PDZRN3: variants seen among roughly 807,000 people sequenced by gnomAD.
PDZRN3 encodes the protein E3 ubiquitin-protein ligase PDZRN3.
PDZRN3 carries 38 observed loss-of-function variants against 85.7 expected under a neutral mutation model. That is an observed-to-expected ratio of 0.44 (90% confidence interval 0.34 to 0.58). The LOEUF (loss-of-function observed/expected upper bound fraction) is 0.58. PDZRN3 is among the 20% of genes least tolerant of loss of function. The pLI, the probability that PDZRN3 is intolerant of heterozygous loss-of-function variation, is 0.01. For synonymous variants in PDZRN3, 759 were observed against 638.0 expected (o/e 1.19, Z -2.86); for missense variants, 1,629 against 1,506.4 (o/e 1.08, Z -1.35).
At chr3:73,613,454 G>A (rs543896696) in intron 1 of PDZRN3, among the ~76,000 whole-genome samples, 2 of 152,220 alleles carry the variant, frequency 1.3e-5, no homozygotes, top group East Asian at 1.9e-4. Flanking sequence ...ACTTAGGAAC[G>A]GTGGAGACAG....
At chr3:73,616,186 G>C (rs1702759023) in intron 1 of PDZRN3, among the ~76,000 whole-genome samples, 1 of 152,212 alleles carries the variant, frequency 6.6e-6, no homozygotes, top group African/African-American at 2.4e-5. Context: ...AGCAGCCTGA[G>C]GCCCTCATCA....
chr3:73,579,087 G>C (rs1702162914), intron 3 of PDZRN3, among the ~76,000 whole-genome samples: 1 of 152,120 alleles, frequency 6.6e-6, no homozygotes, highest in South Asian at 2.1e-4. Flanking sequence ...ATAGTACTAA[G>C]AGGTGGGGTC....
chr3:73,393,361 A>G lies in PDZRN3; in HGVS notation c.1255-2245T>C, dbSNP rs187609839. On this transcript the variant is annotated intron_variant, in intron 5 of 9. Transcript: ENST00000263666. ...ACTTTCTACTACTACTACTACTACT[A>G]CTGCTACTCAAAGCGTGCTTCCTGG... is the stretch of plus-strand genomic sequence containing the variant. Among the ~76,000 whole-genome samples the G allele has an allele frequency of 2.6e-5, 4 of 152,224 alleles. No homozygotes were observed. The East Asian group carries it at 7.7e-4, about 29-fold the overall frequency.
At position 73,598,011 on chromosome 3, in the gene PDZRN3, T is replaced by C. The variant is rs535818236; in HGVS notation, c.918+4343A>G. Among the ~76,000 whole-genome samples, 37 of 152,218 alleles carry C rather than the reference T, an allele frequency of 2.4e-4. No individual in the cohort carries two copies. The East Asian group carries it at 7.0e-3, about 29-fold the overall frequency. On this transcript the variant is annotated intron_variant, in intron 3 of 9. Transcript: ENST00000263666. The stretch of plus-strand genomic sequence containing the variant: ...CACGTGTCACATCCCTAAGAGAATT[T>C]TGAGGGTAATATTGATCTTATGTGA...
intron 1 of PDZRN3, 22 bp downstream of exon 1, chr3:73,624,080 CG>C: frequency 7.0e-7 from 1 of 1,419,918 alleles, no homozygotes; most frequent in Admixed American, 3.1e-5. Flanking sequence ...GGCTGGAGGT[CG>C]GGGCGGGCAG....
chr3:73,401,566 C>T (rs1035478390), intron 4 of PDZRN3, among the ~76,000 whole-genome samples: 2 of 152,116 alleles, frequency 1.3e-5, no homozygotes, highest in Non-Finnish European at 2.9e-5. Context: ...TTGAAATGCA[C>T]ATACAAACAT....
chr3:73,487,245 T>A lies in PDZRN3; in HGVS notation c.919-82850A>T, dbSNP rs4621275. ...AAATTCAAGCCACTTTCTAGAAAAA[T>A]TTTTTTTAACTATAATAAATTTAAG... On this transcript the variant is annotated intron_variant, in intron 3 of 9. Transcript: ENST00000263666. 1.5e-3 allele frequency among the ~76,000 whole-genome samples: 224 copies of A among 152,154 alleles called. 1 individual carries two copies. The highest frequency in any genetic ancestry group is 5.1e-3 in the African/African-American group (212 of 41,508).
chr3:73,573,021 T>C, intron 3 of PDZRN3, among the ~76,000 whole-genome samples: 1 of 152,310 alleles, frequency 6.6e-6, no homozygotes, highest in South Asian at 2.1e-4. Context: ...AATTAAGGCT[T>C]ATCTCAGAGC....
chr3:73,611,875 G>A (rs1003272541), intron 1 of PDZRN3, among the ~76,000 whole-genome samples: 1 of 152,144 alleles, frequency 6.6e-6, no homozygotes, highest in Non-Finnish European at 1.5e-5. Flanking sequence ...CCTGTTCCTA[G>A]GGTCAAAATG....
intron 3 of PDZRN3, among the ~76,000 whole-genome samples, chr3:73,524,689 G>T (rs1276393972): frequency 6.6e-6 from 1 of 152,134 alleles, no homozygotes; most frequent in Non-Finnish European, 1.5e-5. Flanking sequence ...TGTTTAAAAG[G>T]CTGTGTTTTC....
chr3:73,526,875 T>C (rs1704537244), intron 3 of PDZRN3, among the ~76,000 whole-genome samples: 2 of 150,828 alleles, frequency 1.3e-5, no homozygotes, highest in Admixed American at 6.6e-5. Flanking sequence ...TGAGTTGGAG[T>C]TTTGTTCTTG....
At position 73,391,107 on chromosome 3, in the gene PDZRN3, G is replaced by C. The variant is rs148918207; in HGVS notation, c.1264C>G (p.Leu422Val). The C allele has an allele frequency of 2.5e-6, 4 of 1,610,984 alleles. No individual in the cohort carries two copies. The African/African-American group carries it at 4.0e-5, about 16-fold the overall frequency. The change falls in exon 6 of 10, where the codon CTC becomes GTC. Residue 422 changes from leucine to valine, a missense_variant. By Grantham distance (32) the Leu-to-Val change is conservative. Coordinates refer to ENST00000263666, the MANE Select transcript of PDZRN3 (RefSeq NM_015009.3). ...REELELEEVD[L>V]YRMNSQDKLG... The stretch of plus-strand genomic sequence containing the variant: ...TTGTCCTGGCTGTTCATTCTGTAGA[G>C]GTCCACTTCCTAGACAAAGAAAGGC...
chr3:73,600,335 A>ACTCTCTCTCTCT (rs555285407), intron 3 of PDZRN3, among the ~76,000 whole-genome samples: 40 of 46,960 alleles, frequency 8.5e-4, no homozygotes, highest in East Asian at 1.7e-3. Context: ...ACACACACAC[A>ACTCTCTCTCTCT]CACTCTCTCT....
intron 3 of PDZRN3, among the ~76,000 whole-genome samples, chr3:73,475,013 T>C (rs954384643): frequency 6.6e-6 from 1 of 152,110 alleles, no homozygotes; most frequent in African/African-American, 2.4e-5. Context: ...CTTAGATAAG[T>C]TAATATTTCA....
intron 3 of PDZRN3, among the ~76,000 whole-genome samples, chr3:73,484,813 C>G (rs1489871635): frequency 6.6e-6 from 1 of 152,112 alleles, no homozygotes; most frequent in Non-Finnish European, 1.5e-5. Context: ...GAACTTGCCT[C>G]TTAGCAAGAT....
chr3:73,467,975 G>A (rs1341908138), intron 3 of PDZRN3, among the ~76,000 whole-genome samples: 1 of 152,084 alleles, frequency 6.6e-6, no homozygotes, highest in Non-Finnish European at 1.5e-5. Flanking sequence ...TCATTTATTG[G>A]ATAAAGAGTT....
At chr3:73,583,539 T>C (rs997423070) in intron 3 of PDZRN3, among the ~76,000 whole-genome samples, 11 of 152,242 alleles carry the variant, frequency 7.2e-5, no homozygotes, top group African/African-American at 2.6e-4. Flanking sequence ...CCTCCTCCCA[T>C]TCTCCCTATG....
chr3:73,513,646 C>T (rs1441275070), intron 3 of PDZRN3, among the ~76,000 whole-genome samples: 2 of 152,180 alleles, frequency 1.3e-5, no homozygotes, highest in African/African-American at 4.8e-5. Context: ...AAGAATTTAA[C>T]ATGGAGGTCC....
chr3:73,511,732 T>C (rs1704168694), intron 3 of PDZRN3, among the ~76,000 whole-genome samples: 1 of 152,206 alleles, frequency 6.6e-6, no homozygotes, highest in Non-Finnish European at 1.5e-5. Context: ...ATCCATGTAT[T>C]TGCAACCAAG....
Sources: gnomAD v4.1 joint callset for allele counts (sites outside exome capture counted in the v4.1 genomes callset) on GRCh38, gnomAD v4.1.1 for gene constraint, MANE v1.5 for transcripts, NCBI Gene and HGNC (gene_info 2026-07-23, HGNC 2026-07-21) for gene names.